The following BRD10 variants were observed in gnomAD, a reference collection of about 807,000 sequenced individuals.
BRD10 encodes the protein uncharacterized bromodomain-containing protein 10.
At chr9:5,892,012 T>A in the BRD10 span, among the ~76,000 whole-genome samples, 1 of 152,326 alleles carries the variant, frequency 6.6e-6, no homozygotes, top group South Asian at 2.1e-4. Flanking sequence ...GTGGGATTGA[T>A]ATCCAACAAT....
the BRD10 span, among the ~76,000 whole-genome samples, chr9:5,879,631 C>T: frequency 6.6e-6 from 1 of 152,090 alleles, no homozygotes. Context: ...ATGCTTGGGC[C>T]CTTGAAGCTT....
chr9:5,968,418 G>C, the BRD10 span: 2 of 1,612,688 alleles, frequency 1.2e-6, no homozygotes, highest in South Asian at 1.1e-5. Context: ...CCTGGACTAA[G>C]AGGCTCTCCA....
chr9:5,921,240 T>C, the BRD10 span: 1 of 1,613,994 alleles, frequency 6.2e-7, no homozygotes, highest in Non-Finnish European at 8.5e-7. Flanking sequence ...GTGCCTGAAG[T>C]ATTTACAATT....
At chr9:5,976,967 T>G in the BRD10 span, among the ~76,000 whole-genome samples, 2 of 152,204 alleles carry the variant, frequency 1.3e-5, no homozygotes, top group Non-Finnish European at 2.9e-5. Context: ...TTGCTTTGCC[T>G]AAAGCAGTGA....
the BRD10 span, among the ~76,000 whole-genome samples, chr9:6,005,959 G>GA: frequency 6.6e-6 from 1 of 152,102 alleles, no homozygotes; most frequent in Non-Finnish European, 1.5e-5. Flanking sequence ...TGTTTTTGGT[G>GA]AAAAAAATCA....
At chr9:5,943,558 A>C in the BRD10 span, among the ~76,000 whole-genome samples, 2 of 151,960 alleles carry the variant, frequency 1.3e-5, no homozygotes, top group African/African-American at 4.8e-5. Context: ...AAAAAAAAAA[A>C]AACCCTCTGG....
At chr9:5,951,035 T>TACACACACACACACACAC in the BRD10 span, among the ~76,000 whole-genome samples, 1 of 141,664 alleles carries the variant, frequency 7.1e-6, no homozygotes, top group Non-Finnish European at 1.5e-5. Context: ...GGGCTGACTG[T>TACACACACACACACACAC]ACACACACAC....
the BRD10 span, chr9:5,922,023 T>C: frequency 6.2e-7 from 1 of 1,614,028 alleles, no homozygotes; most frequent in Non-Finnish European, 8.5e-7. Flanking sequence ...GTTGTTGATT[T>C]TGGCACCAGA....
At chr9:6,007,097 G>C in the BRD10 span, 2 of 1,263,638 alleles carry the variant, frequency 1.6e-6, no homozygotes, top group Non-Finnish European at 1.1e-6. Flanking sequence ...GCACCTATCA[G>C]CGCCGCCCCC....
chr9:5,957,769 G>A, the BRD10 span, among the ~76,000 whole-genome samples: 1 of 151,930 alleles, frequency 6.6e-6, no homozygotes, highest in Non-Finnish European at 1.5e-5. Flanking sequence ...GTATTCTTCA[G>A]TAAAAACATC....
chr9:5,934,330 G>T, the BRD10 span, among the ~76,000 whole-genome samples: 2 of 149,892 alleles, frequency 1.3e-5, no homozygotes, highest in Admixed American at 6.7e-5. Flanking sequence ...GGTAGAGAAG[G>T]TATTAAATAT....
At chr9:5,946,206 A>G in the BRD10 span, among the ~76,000 whole-genome samples, 4 of 152,260 alleles carry the variant, frequency 2.6e-5, 1 homozygote, top group South Asian at 8.3e-4. Context: ...TAAGAGATTA[A>G]GAAAAAATGA....
chr9:5,907,008 G>A, the BRD10 span: 1 of 1,543,828 alleles, frequency 6.5e-7, no homozygotes, highest in Non-Finnish European at 8.8e-7. Context: ...GGTAGGTTAA[G>A]ATCCTTCATA....
At chr9:5,887,050 G>T in the BRD10 span, among the ~76,000 whole-genome samples, 1 of 152,290 alleles carries the variant, frequency 6.6e-6, no homozygotes, top group South Asian at 2.1e-4. Context: ...CTAGAGGTCA[G>T]GAGTTCGAGA....
chr9:5,904,755 G>A, the BRD10 span, among the ~76,000 whole-genome samples: 12,396 of 150,048 alleles, frequency 0.083, 1,614 homozygotes, highest in African/African-American at 0.28. Flanking sequence ...GTGAGCCACC[G>A]CGCCCAGTCC....
At chr9:5,955,518 T>G in the BRD10 span, among the ~76,000 whole-genome samples, 1 of 152,198 alleles carries the variant, frequency 6.6e-6, no homozygotes, top group East Asian at 1.9e-4. Flanking sequence ...ATTGACACAA[T>G]TCCAGTTTAT....
the BRD10 span, among the ~76,000 whole-genome samples, chr9:5,888,414 CTT>C: frequency 6.6e-6 from 1 of 152,160 alleles, no homozygotes; most frequent in African/African-American, 2.4e-5. Context: ...GCATTTCTCA[CTT>C]TATGTATTTT....
At chr9:5,984,958 A>T in the BRD10 span, among the ~76,000 whole-genome samples, 1 of 152,148 alleles carries the variant, frequency 6.6e-6, no homozygotes, top group Non-Finnish European at 1.5e-5. Context: ...TAGACAAACG[A>T]ATTTGAAAAA....
chr9:5,944,016 A>G, the BRD10 span, among the ~76,000 whole-genome samples: 1 of 152,330 alleles, frequency 6.6e-6, no homozygotes, highest in East Asian at 1.9e-4. Flanking sequence ...ATCTGCCGAT[A>G]TCAAACTTGC....
Sources: gnomAD v4.1 joint callset for allele counts (sites outside exome capture counted in the v4.1 genomes callset) on GRCh38, gnomAD v4.1.1 for gene constraint, MANE v1.5 for transcripts, NCBI Gene and HGNC (gene_info 2026-07-23, HGNC 2026-07-21) for gene names.